The following EYS variants were observed in gnomAD, a reference collection of about 807,000 sequenced individuals.
EYS encodes the protein EGF-like photoreceptor maintenance factor.
EYS carries 250 observed loss-of-function variants against 282.1 expected under a neutral mutation model. The observed-to-expected ratio is 0.89, with a 90% CI of 0.80 to 0.98. The LOEUF (loss-of-function observed/expected upper bound fraction) is 0.98, where lower values mean the gene tolerates loss of function less well. EYS is among the 50% of genes least tolerant of loss of function. The pLI, the probability that EYS is intolerant of heterozygous loss-of-function variation, is 0.00. For missense variants in EYS, 4,016 were observed against 3,709.0 expected, an observed-to-expected ratio of 1.08 and a Z score of -2.15; for synonymous variants, 1,355 against 1,282.9, an observed-to-expected ratio of 1.06 and a Z score of -1.20.
At chr6:64,523,077 C>G (rs1777808041) in intron 26 of EYS, among the ~76,000 whole-genome samples, 1 of 151,052 alleles carries the variant, frequency 6.6e-6, no homozygotes. Context: ...CAGGTGAAAT[C>G]ATTAACAGTT....
At chr6:63,822,951 CAAT>C (rs1771362459) in intron 36 of EYS, among the ~76,000 whole-genome samples, 1 of 152,048 alleles carries the variant, frequency 6.6e-6, no homozygotes, top group African/African-American at 2.4e-5. Context: ...TTCTTATAAA[CAAT>C]AAAACAATTA....
intron 31 of EYS, among the ~76,000 whole-genome samples, chr6:64,090,100 A>G (rs1018485972): frequency 6.6e-6 from 1 of 152,142 alleles, no homozygotes; most frequent in Non-Finnish European, 1.5e-5. Context: ...CACCAACAAG[A>G]TCTTCAATGC....
At chr6:64,654,059 T>C (rs2149880717) in intron 22 of EYS, among the ~76,000 whole-genome samples, 1 of 152,290 alleles carries the variant, frequency 6.6e-6, no homozygotes, top group South Asian at 2.1e-4. Context: ...CTGCATTCAG[T>C]CTCTTCATAT....
At chr6:63,997,882 AAGGAGTT>A (rs1767905739) in intron 34 of EYS, among the ~76,000 whole-genome samples, 1 of 152,202 alleles carries the variant, frequency 6.6e-6, no homozygotes, top group South Asian at 2.1e-4. Flanking sequence ...GGGCAACTAT[AAGGAGTT>A]AATAAAGATG....
At chr6:65,377,805 C>T (rs909983474) in intron 8 of EYS, among the ~76,000 whole-genome samples, 2 of 152,036 alleles carry the variant, frequency 1.3e-5, no homozygotes, top group Non-Finnish European at 2.9e-5. Context: ...TGGATAAATT[C>T]CTGGACATAT....
At chr6:64,379,745 A>G (rs1029244768) in intron 29 of EYS, 8 of 152,192 alleles carry the variant, frequency 5.3e-5, no homozygotes, top group African/African-American at 1.9e-4. Context: ...TGTGACTGAG[A>G]TAATATCTTA....
At chr6:65,667,077 A>G (rs950539820) in intron 1 of EYS, among the ~76,000 whole-genome samples, 1 of 151,668 alleles carries the variant, frequency 6.6e-6, no homozygotes, top group Non-Finnish European at 1.5e-5. Context: ...AAGAGATTTG[A>G]TGAAAGTGAT....
chr6:64,369,576 T>A (rs1772286012), intron 29 of EYS, among the ~76,000 whole-genome samples: 1 of 152,152 alleles, frequency 6.6e-6, no homozygotes. Flanking sequence ...CTGTCATCCT[T>A]GGTTTCTTTG....
chr6:64,592,683 G>A lies in EYS; in HGVS notation c.3877+434C>T, dbSNP rs954361372. 3.9e-5 allele frequency among the ~76,000 whole-genome samples: 6 copies of A among 152,068 alleles called. No individual in the cohort carries two copies. In the South Asian group the frequency reaches 1.0e-3, roughly 26 times the overall value. On this transcript the variant is annotated intron_variant, in intron 25 of 42. Coordinates refer to ENST00000503581, the MANE Select transcript of EYS (RefSeq NM_001142800.2). ...TTGGACATGTAAAAAACAGCCTGAA[G>A]TTGTTAAAATAATTCACAATAGGAA... is the stretch of plus-strand genomic sequence containing the variant.
intron 29 of EYS, among the ~76,000 whole-genome samples, chr6:64,321,211 T>C (rs919094448): frequency 5.3e-5 from 8 of 151,802 alleles, no homozygotes; most frequent in African/African-American, 7.2e-5. Context: ...TGAACACTTA[T>C]TAATTTTAAT....
At chr6:64,820,534 T>A (rs969776541) in intron 21 of EYS, among the ~76,000 whole-genome samples, 5 of 152,094 alleles carry the variant, frequency 3.3e-5, no homozygotes, top group Non-Finnish European at 7.4e-5. Context: ...ACATCAAGAA[T>A]AACTTTCACT....
At chr6:65,206,035 T>A (rs1464796246) in intron 12 of EYS, among the ~76,000 whole-genome samples, 1 of 151,384 alleles carries the variant, frequency 6.6e-6, no homozygotes, top group African/African-American at 2.4e-5. Flanking sequence ...ATAACAGATA[T>A]CAGAAGAGAA....
intron 35 of EYS, among the ~76,000 whole-genome samples, chr6:63,865,947 G>A (rs146487151): frequency 9.9e-5 from 15 of 152,224 alleles, no homozygotes; most frequent in African/African-American, 3.6e-4. Context: ...CAACTCATAA[G>A]GCTTATCCTG....
At chr6:65,021,555 C>T (rs1254277766) in intron 13 of EYS, among the ~76,000 whole-genome samples, 1 of 152,196 alleles carries the variant, frequency 6.6e-6, no homozygotes, top group Non-Finnish European at 1.5e-5. Context: ...CTAAGAAGTT[C>T]CAAATGTTCC....
intron 40 of EYS, among the ~76,000 whole-genome samples, chr6:63,766,731 G>A (rs1260259366): frequency 6.6e-6 from 1 of 151,966 alleles, no homozygotes; most frequent in Non-Finnish European, 1.5e-5. Context: ...GAAGAGAGAG[G>A]TTAAGTCTGC....
intron 7 of EYS, 51 bp downstream of exon 7, chr6:65,402,427 T>C (rs759332967): frequency 7.9e-7 from 1 of 1,261,668 alleles, no homozygotes; most frequent in South Asian, 1.2e-5. Flanking sequence ...GTTCACATGA[T>C]TTAAAAATCC....
At chr6:65,322,085 G>A (rs1187230409) in intron 11 of EYS, among the ~76,000 whole-genome samples, 1 of 152,160 alleles carries the variant, frequency 6.6e-6, no homozygotes, top group Non-Finnish European at 1.5e-5. Context: ...CCTAATTAAT[G>A]TGCTACACTT....
intron 12 of EYS, among the ~76,000 whole-genome samples, chr6:65,092,229 T>C (rs1774594780): frequency 6.6e-6 from 1 of 152,160 alleles, no homozygotes; most frequent in Non-Finnish European, 1.5e-5. Context: ...CTTGAATTCA[T>C]GTAAAATTTT....
At chr6:63,827,676 C>G (rs920364906) in intron 36 of EYS, among the ~76,000 whole-genome samples, 38 of 151,902 alleles carry the variant, frequency 2.5e-4, no homozygotes, top group African/African-American at 9.2e-4. Flanking sequence ...AACCCCGTCT[C>G]TACTAAAAAT....
Sources: allele counts gnomAD v4.1 joint callset (sites outside exome capture counted in the v4.1 genomes callset), GRCh38; gene constraint gnomAD v4.1.1; transcripts MANE v1.5; gene names NCBI Gene and HGNC (gene_info 2026-07-23, HGNC 2026-07-21).